Variants in TP53BP2 observed in about 807,000 individuals in gnomAD.
TP53BP2 encodes apoptosis-stimulating of p53 protein 2.
In TP53BP2, 62 loss-of-function variants were observed where a neutral mutation model predicts 126.2. The observed-to-expected ratio is 0.49, with a 90% confidence interval of 0.40 to 0.61. The LOEUF (loss-of-function observed/expected upper bound fraction) is 0.61. Among genes scored for constraint, TP53BP2 ranks in the 20% least tolerant of loss-of-function variants. TP53BP2 has a pLI of 0.00. For synonymous variants in TP53BP2, 485 were observed against 502.9 expected (o/e 0.96, Z 0.48); for missense variants, 1,215 against 1,402.8 (o/e 0.87, Z 2.14).
chr1:223,794,460 C>T (rs757269081), intron 13 of TP53BP2, among the ~76,000 whole-genome samples: 24 of 152,114 alleles, frequency 1.6e-4, no homozygotes, highest in African/African-American at 4.8e-4. Context: ...AAAGAATGTA[C>T]GAGATAGTTG....
At chr1:223,790,581 AT>A in intron 15 of TP53BP2, among the ~76,000 whole-genome samples, 1 of 150,718 alleles carries the variant, frequency 6.6e-6, no homozygotes. Flanking sequence ...AAGAAAAAAA[AT>A]TTTTTTAAAT....
At position 223,806,856 on chromosome 1, in the gene TP53BP2, A is replaced by G; in HGVS notation, c.464T>C (p.Leu155Pro). Residue 155 changes from leucine (L) to proline (P), a missense_variant, in exon 5 of 18, where the codon CTG becomes CCG. By Grantham distance (98) the Leu-to-Pro change is moderately conservative. Around this residue, in one of 4 missense-constraint regions of TP53BP2, gnomAD observed 814 missense variants for 853.0 expected, o/e 0.95. Transcript: ENST00000343537. ...QQQIEAQQQL[L>P]ATKEQRLKFL... ...AAAGGACGATACTACCTTAGTTGCC[A>G]GCAATTGTTGCTGGGCTTCAATCTG... 1 of 1,613,474 alleles carries G rather than the reference A, an allele frequency of 6.2e-7. No individual in the cohort carries two copies. The highest frequency in any genetic ancestry group is 8.5e-7 in the Non-Finnish European group (1 of 1,179,720).
At chr1:223,790,874 G>A (rs1375408722) in intron 15 of TP53BP2, among the ~76,000 whole-genome samples, 1 of 151,896 alleles carries the variant, frequency 6.6e-6, no homozygotes, top group Non-Finnish European at 1.5e-5. Flanking sequence ...CAAAGTGCTA[G>A]GATTACAGGT....
Position 223,798,388 on chromosome 1 carries a change from G to A in TP53BP2, c.1775C>T (p.Thr592Ile). Reference protein sequence around the residue: ...SPPAAAVRPFTPQPSKDTLLP... With the variant: ...SPPAAAVRPFIPQPSKDTLLP... Reference sequence around the variant, plus strand: ...TAAGGTGTCTTTGGAAGGCTGGGGAGTAAAGGGCCGGACGGCAGCAGCAGG... The same window carrying A: ...TAAGGTGTCTTTGGAAGGCTGGGGAATAAAGGGCCGGACGGCAGCAGCAGG... The change falls in exon 12 of 18, where the codon ACT becomes ATT. Residue 592 changes from threonine (T) to isoleucine (I), a missense_variant. Thr to Ile is a moderately conservative substitution (Grantham distance 89). This residue lies in a region of TP53BP2 where 814 missense variants were observed against 853.0 expected (regional missense o/e 0.95). Transcript: ENST00000343537. 6.2e-7 allele frequency: 1 copy of A among 1,614,180 alleles called. No homozygotes were observed. The highest frequency in any genetic ancestry group is 8.5e-7 in the Non-Finnish European group (1 of 1,180,034).
At position 223,845,634 on chromosome 1, in the gene TP53BP2, C is replaced by T. The variant is rs1300963924; in HGVS notation, c.27+20G>A. The T allele has an allele frequency of 6.5e-7, 1 of 1,549,978 alleles. No homozygotes were observed. The highest frequency in any genetic ancestry group is 1.9e-5 in the Admixed American group (1 of 53,876). On this transcript the variant is annotated intron_variant, in intron 1 of 17. Coordinates refer to ENST00000343537, the MANE Select transcript of TP53BP2 (RefSeq NM_001031685.3). ...CCCGCACACTTCCGGGCCCGACGCC[C>T]TGGCCGCTCGCCCACTTACCGGCAT...
intron 1 of TP53BP2, among the ~76,000 whole-genome samples, chr1:223,836,401 G>A (rs531621999): frequency 6.6e-6 from 1 of 152,286 alleles, no homozygotes; most frequent in East Asian, 1.9e-4. Flanking sequence ...TGCCATAGCT[G>A]GTGCTATGTT....
chr1:223,809,119 G>T (rs1334657338), intron 4 of TP53BP2, among the ~76,000 whole-genome samples: 1 of 152,044 alleles, frequency 6.6e-6, no homozygotes, highest in Admixed American at 6.6e-5. Flanking sequence ...TGTTGCCCAG[G>T]CTAGCCTCAA....
At chr1:223,811,641 A>G (rs113387472) in intron 3 of TP53BP2, among the ~76,000 whole-genome samples, 4,960 of 152,314 alleles carry the variant, frequency 0.033, 112 homozygotes, top group Middle Eastern at 0.078. Flanking sequence ...AAAGTAAGCA[A>G]TAAGAGCCTT....
chr1:223,784,261 C>A lies in TP53BP2; in HGVS notation c.3217G>T (p.Asp1073Tyr). 1.2e-6 allele frequency: 2 copies of A among 1,614,146 alleles called. No homozygotes were observed. Among genetic ancestry groups the A allele is most frequent in the South Asian group, 2.2e-5 (2 of 91,090 alleles). The change falls in exon 17 of 18, where the codon GAT becomes TAT. Residue 1073 changes from aspartate to tyrosine, a missense_variant. This residue lies in a region of TP53BP2 where 151 missense variants were observed against 231.2 expected (regional missense o/e 0.65). Coordinates refer to ENST00000343537, the MANE Select transcript of TP53BP2 (RefSeq NM_001031685.3). Reference sequence around the variant, plus strand: ...TCATCATCATTCTGAGGTTCATAATCCCAAAGCGCATAAATGACTCCTTTA... The same window carrying A: ...TCATCATCATTCTGAGGTTCATAATACCAAAGCGCATAAATGACTCCTTTA... ...MNKGVIYALW[D>Y]YEPQNDDELP...
chr1:223,836,364 G>A (rs959742836), intron 1 of TP53BP2, among the ~76,000 whole-genome samples: 6 of 152,196 alleles, frequency 3.9e-5, no homozygotes, highest in African/African-American at 1.4e-4. Flanking sequence ...ATGCTCTTCT[G>A]CACAGCACAA....
At chr1:223,803,804 T>C (rs1662618520) in intron 6 of TP53BP2, among the ~76,000 whole-genome samples, 1 of 152,182 alleles carries the variant, frequency 6.6e-6, no homozygotes, top group Non-Finnish European at 1.5e-5. Context: ...GATGGAGCTA[T>C]TATATGAATA....
At chr1:223,817,694 G>A (rs1264290034) in intron 2 of TP53BP2, among the ~76,000 whole-genome samples, 1 of 152,164 alleles carries the variant, frequency 6.6e-6, no homozygotes, top group Admixed American at 6.5e-5. Flanking sequence ...GAGAGGCTGA[G>A]GCAGGCGGAT....
intron 14 of TP53BP2, 80 bp from the exon 15 acceptor site, chr1:223,792,602 A>C (rs990060054): frequency 1.5e-5 from 22 of 1,472,224 alleles, no homozygotes; most frequent in Non-Finnish European, 2.0e-5. Flanking sequence ...CTTTAGGGTC[A>C]AGAGGACAGA....
At chr1:223,817,487 C>A (rs1297906713) in intron 2 of TP53BP2, among the ~76,000 whole-genome samples, 6 of 151,998 alleles carry the variant, frequency 3.9e-5, no homozygotes, top group African/African-American at 1.2e-4. Context: ...CATCCACCCC[C>A]TAGAGAAATG....
rs189603971 is a variant in TP53BP2 at position 223,831,153 on chromosome 1, C to A, written c.28-9786G>T. 2.0e-5 allele frequency among the ~76,000 whole-genome samples: 3 copies of A among 149,348 alleles called. No individual in the cohort carries two copies. The South Asian group carries it at 6.4e-4, about 32-fold the overall frequency. ...ATCTCAGTATTTTGGGAGGCTGAGG[C>A]GGGAGGATCACTTCAGGCCAGGAGC... is the stretch of plus-strand genomic sequence containing the variant. On this transcript the variant is annotated intron_variant, in intron 1 of 17. Coordinates refer to ENST00000343537, the MANE Select transcript of TP53BP2 (RefSeq NM_001031685.3).
At position 223,802,315 on chromosome 1, in the gene TP53BP2, T is replaced by C; in HGVS notation, c.1026A>G (p.Gln342=). 1.2e-6 allele frequency: 2 copies of C among 1,614,168 alleles called. No individual in the cohort carries two copies. Among genetic ancestry groups the C allele is most frequent in the South Asian group, 1.1e-5 (1 of 91,080 alleles). The change falls in exon 9 of 18, where the codon CAA becomes CAG. Residue 342 remains glutamine (Q), a synonymous_variant. Coordinates refer to ENST00000343537, the MANE Select transcript of TP53BP2 (RefSeq NM_001031685.3). ...PVSSDGNLPQ[Q]AASAPSRVAA... ...CCACACGGCTTGGGGCTGACGCGGC[T>C]TGCTGGGGAAGATTTCCATCAGATG... is the stretch of plus-strand genomic sequence containing the variant.
chr1:223,798,027 T>A (rs990299633), intron 12 of TP53BP2, among the ~76,000 whole-genome samples, 188 bp downstream of exon 12: 1 of 152,150 alleles, frequency 6.6e-6, no homozygotes, highest in Non-Finnish European at 1.5e-5. Flanking sequence ...TTATCTTTAG[T>A]GCCTACTACT....
intron 14 of TP53BP2, 64 bp downstream of exon 14, chr1:223,793,239 T>C: frequency 1.6e-6 from 2 of 1,257,904 alleles, no homozygotes; most frequent in South Asian, 2.1e-5. Context: ...CTAATTATAC[T>C]CTAGCCTGGA....
chr1:223,809,083 T>C (rs1009940426), intron 4 of TP53BP2, among the ~76,000 whole-genome samples: 1 of 152,120 alleles, frequency 6.6e-6, no homozygotes, highest in Non-Finnish European at 1.5e-5. Flanking sequence ...ATAATATATC[T>C]CTTTAATAGA....
Sources: gnomAD v4.1 joint callset for allele counts (sites outside exome capture counted in the v4.1 genomes callset) on GRCh38, gnomAD v4.1.1 for gene constraint, gnomAD v4.1.1 regional missense constraint, MANE v1.5 for transcripts, NCBI Gene and HGNC (gene_info 2026-07-23, HGNC 2026-07-21) for gene names.